G3BP1: variants seen among roughly 807,000 people sequenced by gnomAD.
G3BP1 encodes ras GTPase-activating protein-binding protein 1.
A neutral mutation model predicts 58.6 loss-of-function variants in G3BP1; 35 were observed. The observed-to-expected ratio is 0.60, with a 90% CI of 0.46 to 0.79. The LOEUF is 0.79. G3BP1 is among the 30% of genes least tolerant of loss of function. G3BP1 has a pLI of 0.00. For synonymous variants in G3BP1, 191 were observed against 195.4 expected, an observed-to-expected ratio of 0.98 and a Z score of 0.19; for missense variants, 523 against 580.8, an observed-to-expected ratio of 0.90 and a Z score of 1.02.
At position 151,810,087 on chromosome 5, in the gene G3BP1, T is replaced by A. The variant is rs1416674269; in HGVS notation, c.*5996T>A. ...CTGTAAGCTCCTAGGGGGCAGCAAT[T>A]TGGTCTTAGGCGTGTACCCTGTTTA... On this transcript the variant is annotated 3_prime_UTR_variant, in exon 12 of 12. Coordinates refer to ENST00000356245, the MANE Select transcript of G3BP1 (RefSeq NM_005754.3). The A allele has an allele frequency of 6.6e-6, 1 of 152,226 alleles. No homozygotes were observed. The highest frequency in any genetic ancestry group is 1.5e-5 in the Non-Finnish European group (1 of 68,044). The allele number at this position is 152,226 out of a possible 1,614,324, so 9.4% of individuals were successfully genotyped here.
intron 1 of G3BP1, among the ~76,000 whole-genome samples, chr5:151,785,078 C>T (rs1762534824): frequency 3.3e-5 from 5 of 152,188 alleles, no homozygotes; most frequent in Admixed American, 2.6e-4. Context: ...AAATGTTAAA[C>T]TAATGACGAA....
chr5:151,772,465 T>TG (rs988297648), intron 1 of G3BP1: 17 of 152,104 alleles, frequency 1.1e-4, no homozygotes, highest in Admixed American at 1.0e-3. Flanking sequence ...TCGTTTAGGG[T>TG]GGGGGCAGCA....
chr5:151,799,982 C>T lies in G3BP1; in HGVS notation c.937C>T (p.Gln313Ter). ...VREQRINIPP[Q>*]RGPRPIREAG... ...AGAACAACGAATAAATATTCCTCCC[C>T]AAAGGGGACCCAGACCAAGTAAGAG... The change falls in exon 9 of 12, where the codon CAA (glutamine) becomes TAA (stop). Residue 313 changes from glutamine to a stop codon, truncating the protein, a stop_gained. Coordinates refer to ENST00000356245, the MANE Select transcript of G3BP1 (RefSeq NM_005754.3). LOFTEE classifies it high-confidence loss of function. 1 of 1,605,992 alleles carries T rather than the reference C, an allele frequency of 6.2e-7. No individual in the cohort carries two copies. The highest frequency in any genetic ancestry group is 1.1e-5 in the South Asian group (1 of 90,826).
chr5:151,808,812 G>A lies in G3BP1; in HGVS notation c.*4721G>A, dbSNP rs144196320. 1 of 152,156 alleles carries A rather than the reference G, an allele frequency of 6.6e-6. No individual in the cohort carries two copies. The highest frequency in any genetic ancestry group is 1.5e-5 in the Non-Finnish European group (1 of 68,034). The allele number at this position is 152,156 out of a possible 1,614,324, so 9.4% of individuals were successfully genotyped here. A position where few individuals can be genotyped will look rare whatever the true frequency, so the allele number is the denominator to read the frequency against. Reference sequence around the variant, plus strand: ...TTTGGGGAAGGTTGCCTATATTTTTGATAGTAATTAGATGGAAGATTAAAT... The same window carrying A: ...TTTGGGGAAGGTTGCCTATATTTTTAATAGTAATTAGATGGAAGATTAAAT... On this transcript the variant is annotated 3_prime_UTR_variant, in exon 12 of 12. Transcript: ENST00000356245.
chr5:151,792,966 T>C (rs1349872416), intron 4 of G3BP1, among the ~76,000 whole-genome samples: 1 of 152,136 alleles, frequency 6.6e-6, no homozygotes, highest in African/African-American at 2.4e-5. Context: ...GAATAACTCA[T>C]AATATATAAT....
chr5:151,782,216 T>G (rs145539017), intron 1 of G3BP1, among the ~76,000 whole-genome samples: 200 of 152,284 alleles, frequency 1.3e-3, no homozygotes, highest in Middle Eastern at 0.01. Context: ...ACAGAAGAAT[T>G]GAGGTGAGAG....
intron 10 of G3BP1, 28 bp from the exon 11 acceptor site, chr5:151,800,732 G>C (rs755577956): frequency 7.7e-7 from 1 of 1,298,766 alleles, no homozygotes; most frequent in South Asian, 1.2e-5. Context: ...GGTCTAAGTA[G>C]TTATCTGAGA....
chr5:151,773,388 T>C (rs1375554571), intron 1 of G3BP1, among the ~76,000 whole-genome samples: 1 of 152,170 alleles, frequency 6.6e-6, no homozygotes, highest in East Asian at 1.9e-4. Flanking sequence ...GTTGGAGATG[T>C]GTTGGAAAAA....
In G3BP1 at chr5:151,806,391, T is replaced by A. The variant is rs188880165; in HGVS notation, c.*2300T>A. 6.6e-6 allele frequency: 1 copy of A among 152,338 alleles called. No homozygotes were observed. Among genetic ancestry groups the A allele is most frequent in the African/African-American group, 2.4e-5 (1 of 41,582 alleles). 9.4% of individuals were successfully genotyped at this position (152,338 alleles called of 1,614,324 possible). On this transcript the variant is annotated 3_prime_UTR_variant, in exon 12 of 12. Coordinates refer to ENST00000356245, the MANE Select transcript of G3BP1 (RefSeq NM_005754.3). ...AATGTGGAGAGGTGGTAGCAATACA[T>A]ACTGATGCTGCTTGTAATTTGTTGC... is the stretch of plus-strand genomic sequence containing the variant.
intron 1 of G3BP1, among the ~76,000 whole-genome samples, chr5:151,783,708 A>C (rs765954806): frequency 6.6e-6 from 1 of 151,968 alleles, no homozygotes; most frequent in African/African-American, 2.4e-5. Flanking sequence ...GAGAATAACA[A>C]AATTACTCGC....
At chr5:151,790,807 T>C in intron 3 of G3BP1, 82 bp from the exon 4 acceptor site, 1 of 776,140 alleles carries the variant, frequency 1.3e-6, no homozygotes, top group Non-Finnish European at 2.1e-6. Context: ...TGTGTTGTGT[T>C]GGAAGGTTTT....
At chr5:151,792,072 T>A (rs1158282445) in intron 4 of G3BP1, 8 of 456,186 alleles carry the variant, frequency 1.8e-5, no homozygotes, top group Non-Finnish European at 3.5e-5. Flanking sequence ...CCTGGCCCAG[T>A]CCCTATTCTT....
At chr5:151,792,144 A>G (rs1181338960) in intron 4 of G3BP1, 7 of 456,062 alleles carry the variant, frequency 1.5e-5, no homozygotes, top group Admixed American at 2.4e-5. Context: ...AAGGACGACA[A>G]GTTTATGTTG....
At position 151,808,053 on chromosome 5, in the gene G3BP1, A is replaced by G. The variant is rs146260052; in HGVS notation, c.*3962A>G. The stretch of plus-strand genomic sequence containing the variant: ...TAACTGCCTAATGTACCAAAAAAAA[A>G]TTAGCAATGTCTTATGTGGGATGAG... On this transcript the variant is annotated 3_prime_UTR_variant, in exon 12 of 12. Transcript: ENST00000356245. 2 of 152,350 alleles carry G rather than the reference A, an allele frequency of 1.3e-5. No individual in the cohort carries two copies. The highest frequency in any genetic ancestry group is 2.9e-5 in the Non-Finnish European group (2 of 68,032). The allele number at this position is 152,350 out of a possible 1,614,324, so 9.4% of individuals were successfully genotyped here.
At chr5:151,803,486 A>T (rs186766073) in intron 11 of G3BP1, among the ~76,000 whole-genome samples, 7 of 152,060 alleles carry the variant, frequency 4.6e-5, no homozygotes, top group Admixed American at 1.3e-4. Flanking sequence ...GCTGATTTAT[A>T]ATCTGCTGGT....
intron 6 of G3BP1, among the ~76,000 whole-genome samples, chr5:151,796,895 C>G (rs909418286): frequency 3.3e-5 from 5 of 150,314 alleles, no homozygotes; most frequent in African/African-American, 5.0e-5. Context: ...CCGCCCCCCC[C>G]GCCCCAGCCT....
rs1763003360 is a variant in G3BP1, at chr5:151,810,485, T to C, written c.*6394T>C. 6.6e-6 allele frequency: 1 copy of C among 152,264 alleles called. No individual in the cohort carries two copies. Among genetic ancestry groups the C allele is most frequent in the South Asian group, 2.1e-4 (1 of 4,832 alleles). The allele number at this position is 152,264 out of a possible 1,614,324, so 9.4% of individuals were successfully genotyped here. A position where few individuals can be genotyped will look rare whatever the true frequency, so the allele number is the denominator to read the frequency against. On this transcript the variant is annotated 3_prime_UTR_variant, in exon 12 of 12. Transcript: ENST00000356245. ...CTACTTTCCACATTTTCCCTCTTGT[T>C]TGAGGTCCTGTTCCAACCTTCATTT...
intron 2 of G3BP1, among the ~76,000 whole-genome samples, chr5:151,788,914 ATTACAGGC>A (rs1041450688): frequency 1.3e-5 from 2 of 151,836 alleles, no homozygotes; most frequent in Non-Finnish European, 2.9e-5. Flanking sequence ...AGTAGCTAGG[ATTACAGGC>A]ATGCGCCACC....
intron 5 of G3BP1, 147 bp downstream of exon 5, chr5:151,794,396 T>C (rs1762711861): frequency 1.7e-6 from 1 of 587,404 alleles, no homozygotes; most frequent in African/African-American, 1.9e-5. Context: ...AGTCTGAGGT[T>C]TTACCCTACT....
Sources: gnomAD v4.1 joint callset for allele counts (sites outside exome capture counted in the v4.1 genomes callset) on GRCh38, gnomAD v4.1.1 for gene constraint, MANE v1.5 for transcripts, NCBI Gene and HGNC (gene_info 2026-07-23, HGNC 2026-07-21) for gene names.